The following AKT3 variants were observed in gnomAD, a reference collection of about 807,000 sequenced individuals.
The protein encoded by AKT3 is AKT serine/threonine kinase 3.
A neutral mutation model predicts 65.3 loss-of-function variants in AKT3; 15 were observed. The ratio of observed to expected loss-of-function variants is 0.23; its 90% CI spans 0.15 to 0.35. The LOEUF (loss-of-function observed/expected upper bound fraction) is 0.35. Ranked by LOEUF, AKT3 falls within the 10% of genes least tolerant of loss-of-function variation. The pLI, the probability that AKT3 is intolerant of heterozygous loss-of-function variation, is 1.00. For synonymous variants in AKT3, 206 were observed against 183.8 expected, an observed-to-expected ratio of 1.12 and a Z score of -0.98; for missense variants, 243 against 576.5, an observed-to-expected ratio of 0.42 and a Z score of 5.92.
At chr1:243,722,895 G>T (rs1466671694) in intron 2 of AKT3, among the ~76,000 whole-genome samples, 1 of 151,954 alleles carries the variant, frequency 6.6e-6, no homozygotes, top group Admixed American at 6.6e-5. Context: ...AATTATCAAG[G>T]CCACTTTTCA....
At chr1:243,539,334 A>G (rs1672140342) in intron 12 of AKT3, among the ~76,000 whole-genome samples, 1 of 152,148 alleles carries the variant, frequency 6.6e-6, no homozygotes, top group African/African-American at 2.4e-5. Context: ...TGATTTTATT[A>G]ATAATATTTC....
chr1:243,576,636 G>A (rs963481896), intron 8 of AKT3, among the ~76,000 whole-genome samples: 2 of 152,122 alleles, frequency 1.3e-5, no homozygotes, highest in Admixed American at 6.5e-5. Flanking sequence ...CTGCCACAAA[G>A]AGAATAAAAT....
chr1:243,802,404 G>T (rs1227321534), intron 2 of AKT3, among the ~76,000 whole-genome samples: 1 of 152,104 alleles, frequency 6.6e-6, no homozygotes, highest in Admixed American at 6.5e-5. Flanking sequence ...TTATTGGAAA[G>T]GAAATATCAA....
rs148769384 is a variant in AKT3 at position 243,508,758 on chromosome 1, C to T, written c.1355-3424G>A. Among the ~76,000 whole-genome samples the T allele has an allele frequency of 8.7e-3, 1,320 of 150,920 alleles. 16 individuals are homozygous for T. The highest frequency in any genetic ancestry group is 0.031 in the African/African-American group (1,268 of 41,026). On this transcript the variant is annotated intron_variant, in intron 13 of 13. Transcript: ENST00000673466. Reference sequence around the variant, plus strand: ...TCAGCTCAGTGCAGCTTCTGCCTCCCGGGTTCAAGCGATCCTCCTGCCTCA... The same window carrying T: ...TCAGCTCAGTGCAGCTTCTGCCTCCTGGGTTCAAGCGATCCTCCTGCCTCA...
chr1:243,832,792 T>C (rs1694622704), intron 2 of AKT3, among the ~76,000 whole-genome samples: 1 of 152,196 alleles, frequency 6.6e-6, no homozygotes. Context: ...CTGTACTGAA[T>C]ACTGTAGGCA....
intron 8 of AKT3, among the ~76,000 whole-genome samples, chr1:243,598,212 T>G (rs1349531303): frequency 6.6e-6 from 1 of 152,124 alleles, no homozygotes; most frequent in Non-Finnish European, 1.5e-5. Context: ...TCTCAAAAAA[T>G]TATAAGAAAA....
intron 2 of AKT3, among the ~76,000 whole-genome samples, chr1:243,839,423 A>C (rs976576150): frequency 1.3e-5 from 2 of 152,340 alleles, no homozygotes; most frequent in South Asian, 4.1e-4. Flanking sequence ...GCTGTCCTGG[A>C]TCCATCAAGG....
chr1:243,795,181 A>C (rs1691878332), intron 2 of AKT3, among the ~76,000 whole-genome samples: 1 of 150,806 alleles, frequency 6.6e-6, no homozygotes, highest in Non-Finnish European at 1.5e-5. Context: ...CAGATGACCA[A>C]TGGTGTTAGA....
chr1:243,666,983 G>C (rs767768648), intron 3 of AKT3, among the ~76,000 whole-genome samples: 1 of 152,158 alleles, frequency 6.6e-6, no homozygotes, highest in African/African-American at 2.4e-5. Flanking sequence ...TCACGTGGCT[G>C]ACTGCAAGCT....
chr1:243,732,155 C>T (rs761160082), intron 2 of AKT3, among the ~76,000 whole-genome samples: 3 of 152,090 alleles, frequency 2.0e-5, no homozygotes, highest in African/African-American at 4.8e-5. Context: ...TTGCAACCAA[C>T]GCAGGATGGC....
intron 9 of AKT3, among the ~76,000 whole-genome samples, chr1:243,566,639 C>A (rs1674180362): frequency 6.6e-6 from 1 of 152,078 alleles, no homozygotes; most frequent in Admixed American, 6.6e-5. Flanking sequence ...TGAGCTTTAT[C>A]CCTTATTCAC....
chr1:243,492,774 A>C (rs573680359), intron 13 of AKT3, among the ~76,000 whole-genome samples: 49 of 148,444 alleles, frequency 3.3e-4, no homozygotes, highest in Non-Finnish European at 4.0e-4. Context: ...CGCCTGGCTA[A>C]TTTTGTATTT....
intron 2 of AKT3, among the ~76,000 whole-genome samples, chr1:243,831,415 ATTTGGC>A (rs1456092836): frequency 1.3e-5 from 2 of 152,166 alleles, no homozygotes; most frequent in South Asian, 4.1e-4. Context: ...TGGGTAAATA[ATTTGGC>A]TTTGAAGGAC....
chr1:243,709,792 G>A (rs1279317799), intron 2 of AKT3, among the ~76,000 whole-genome samples: 5 of 151,972 alleles, frequency 3.3e-5, no homozygotes, highest in Non-Finnish European at 5.9e-5. Flanking sequence ...AACAACAACT[G>A]CTGTTCTATG....
chr1:243,528,846 T>C (rs931407639), intron 12 of AKT3, among the ~76,000 whole-genome samples: 1 of 152,196 alleles, frequency 6.6e-6, no homozygotes, highest in African/African-American at 2.4e-5. Flanking sequence ...CTGAGTCAAA[T>C]GGTAATTCTG....
intron 4 of AKT3, among the ~76,000 whole-genome samples, chr1:243,649,309 G>GTA (rs1319267989): frequency 2.9e-4 from 18 of 62,170 alleles, no homozygotes; most frequent in Non-Finnish European, 7.3e-4. Context: ...TATGTTATGT[G>GTA]TATATGTGTG....
intron 2 of AKT3, chr1:243,702,850 A>C (rs940241048): frequency 6.6e-6 from 1 of 152,192 alleles, no homozygotes; most frequent in African/African-American, 2.4e-5. Flanking sequence ...AAAGAGCAGA[A>C]GTCAGATTCT....
intron 6 of AKT3, among the ~76,000 whole-genome samples, chr1:243,629,860 ATATT>A (rs1352508340): frequency 6.6e-6 from 1 of 152,182 alleles, no homozygotes; most frequent in East Asian, 1.9e-4. Flanking sequence ...GGCCATTGAT[ATATT>A]CCTCTTGTAC....
At chr1:243,595,163 A>G (rs1676512901) in intron 8 of AKT3, among the ~76,000 whole-genome samples, 1 of 152,244 alleles carries the variant, frequency 6.6e-6, no homozygotes, top group Admixed American at 6.5e-5. Context: ...TACTACTTCT[A>G]GGTACAGACC....
Sources: allele counts gnomAD v4.1 joint callset (sites outside exome capture counted in the v4.1 genomes callset), GRCh38; gene constraint gnomAD v4.1.1; transcripts MANE v1.5; gene names NCBI Gene and HGNC (gene_info 2026-07-23, HGNC 2026-07-21).